CORO2B: variants seen among roughly 807,000 people sequenced by gnomAD.
The protein encoded by CORO2B is coronin 2B.
Under a neutral mutation model 58.8 loss-of-function variants are expected in CORO2B, and 26 were observed. That is an observed-to-expected ratio of 0.44 (90% CI 0.32 to 0.61). CORO2B has a LOEUF of 0.61. Among genes scored for constraint, CORO2B ranks in the 20% least tolerant of loss-of-function variants. CORO2B has a pLI of 0.04. For missense variants in CORO2B, 460 were observed against 645.1 expected (o/e 0.71, Z 3.11); for synonymous variants, 242 against 253.8 (o/e 0.95, Z 0.44).
At chr15:68,533,331 A>C in the CORO2B span, among the ~76,000 whole-genome samples, 1 of 152,192 alleles carries the variant, frequency 6.6e-6, no homozygotes, top group Non-Finnish European at 1.5e-5. Context: ...CAGAAGTGGA[A>C]ATCTTGTGTG....
intron 1 of CORO2B, among the ~76,000 whole-genome samples, chr15:68,639,025 G>A (rs1901122975): frequency 6.6e-6 from 1 of 152,204 alleles, no homozygotes; most frequent in South Asian, 2.1e-4. Flanking sequence ...TGCGTGACCA[G>A]AAGAAAGAAC....
intron 1 of CORO2B, among the ~76,000 whole-genome samples, chr15:68,595,815 A>G (rs1899812034): frequency 6.6e-6 from 1 of 152,212 alleles, no homozygotes; most frequent in African/African-American, 2.4e-5. Context: ...ACAAATACGG[A>G]TGAAGCCATT....
intron 3 of CORO2B, among the ~76,000 whole-genome samples, chr15:68,698,982 C>T (rs1221665615): frequency 6.6e-6 from 1 of 152,042 alleles, no homozygotes; most frequent in Non-Finnish European, 1.5e-5. Flanking sequence ...GACCAAGGTG[C>T]AGAGAGGAGA....
intron 1 of CORO2B, among the ~76,000 whole-genome samples, chr15:68,622,081 T>G (rs577345815): frequency 6.6e-6 from 1 of 152,206 alleles, no homozygotes; most frequent in South Asian, 2.1e-4. Context: ...ACCTTCTGAG[T>G]CTTGGTTTTC....
At chr15:68,528,665 T>C in the CORO2B span, among the ~76,000 whole-genome samples, 4 of 151,712 alleles carry the variant, frequency 2.6e-5, no homozygotes, top group Non-Finnish European at 5.9e-5. Context: ...AGTTGGAATA[T>C]GTTCCCTCCT....
chr15:68,640,274 G>A (rs530289383), intron 1 of CORO2B, among the ~76,000 whole-genome samples: 1 of 152,300 alleles, frequency 6.6e-6, no homozygotes, highest in East Asian at 1.9e-4. Flanking sequence ...CCAGGTGTGT[G>A]CTCACACATT....
At chr15:68,596,196 A>G (rs1291772426) in intron 1 of CORO2B, among the ~76,000 whole-genome samples, 2 of 152,142 alleles carry the variant, frequency 1.3e-5, no homozygotes, top group Admixed American at 6.5e-5. Flanking sequence ...TTAAGCATGC[A>G]CTGTGCCCGT....
intron 2 of CORO2B, among the ~76,000 whole-genome samples, chr15:68,675,999 T>C (rs1474933105): frequency 1.3e-5 from 2 of 152,096 alleles, no homozygotes; most frequent in African/African-American, 2.4e-5. Flanking sequence ...AATAGAATAA[T>C]GCTAGGAGGA....
At chr15:68,698,768 A>C (rs1346692443) in intron 3 of CORO2B, among the ~76,000 whole-genome samples, 2 of 152,158 alleles carry the variant, frequency 1.3e-5, no homozygotes, top group Non-Finnish European at 2.9e-5. Context: ...GATGAGGATG[A>C]AGGTTAGCCT....
At chr15:68,605,988 T>C (rs139986880) in intron 1 of CORO2B, among the ~76,000 whole-genome samples, 2,291 of 151,916 alleles carry the variant, frequency 0.015, 58 homozygotes, top group African/African-American at 0.053. Context: ...CCTCCCAAAG[T>C]GCTGGGATTA....
chr15:68,616,478 G>A (rs915052397), intron 1 of CORO2B: 41 of 933,716 alleles, frequency 4.4e-5, no homozygotes, highest in Admixed American at 4.3e-4. Flanking sequence ...CTTGCTGCCC[G>A]GCCTGCTGGC....
Position 68,645,175 on chromosome 15 carries a change from C to A in CORO2B, c.31C>A (p.Gln11Lys). ...CCCCTCACAGATGTCCTGGCGTCCG[C>A]AATACCGTAGCTCCAAGTTCCGGAA... is the stretch of plus-strand genomic sequence containing the variant. Reference protein sequence around the residue: MTVTKMSWRPQYRSSKFRNVY... With the variant: MTVTKMSWRPKYRSSKFRNVY... The change falls in exon 2 of 12, where the codon CAA becomes AAA. Residue 11 changes from glutamine (Q) to lysine (K), a missense_variant. Transcript: ENST00000261861. The surrounding 1 kb of genome is among the most constrained non-coding windows in gnomAD (Gnocchi z 4.5). 2 of 1,614,136 alleles carry A rather than the reference C, an allele frequency of 1.2e-6. No homozygotes were observed. Among genetic ancestry groups the A allele is most frequent in the East Asian group, 2.2e-5 (1 of 44,874 alleles).
chr15:68,708,512 C>T (rs1892836626), intron 3 of CORO2B, among the ~76,000 whole-genome samples: 1 of 151,822 alleles, frequency 6.6e-6, no homozygotes, highest in Non-Finnish European at 1.5e-5. Context: ...AGGTGCCTGC[C>T]ACTACGCCTG....
At chr15:68,571,873 G>T in the CORO2B span, among the ~76,000 whole-genome samples, 1 of 152,354 alleles carries the variant, frequency 6.6e-6, no homozygotes. Context: ...TAGCCCCAAG[G>T]AGGTGGTAAG....
At chr15:68,557,729 C>T in the CORO2B span, among the ~76,000 whole-genome samples, 1 of 152,242 alleles carries the variant, frequency 6.6e-6, no homozygotes, top group Admixed American at 6.5e-5. Flanking sequence ...TGCCCAAGGT[C>T]ACAGAGCTGC....
intron 2 of CORO2B, among the ~76,000 whole-genome samples, chr15:68,649,203 C>CTA (rs1285304077): frequency 6.6e-6 from 1 of 152,044 alleles, no homozygotes; most frequent in African/African-American, 2.4e-5. Context: ...TAGAAATATG[C>CTA]TATATATATA....
intron 2 of CORO2B, among the ~76,000 whole-genome samples, chr15:68,684,438 C>A (rs1016846505): frequency 2.0e-5 from 3 of 152,210 alleles, no homozygotes; most frequent in Non-Finnish European, 4.4e-5. Flanking sequence ...AAGAACACAG[C>A]CAGAGGCCAG....
At chr15:68,682,752 G>A (rs8042290) in intron 2 of CORO2B, among the ~76,000 whole-genome samples, 93,901 of 152,078 alleles carry the variant, frequency 0.62, 30,972 homozygotes, top group East Asian at 0.86. Context: ...CAGCCAGTGT[G>A]CAGCAGAGCT....
chr15:68,704,039 T>TACACATACACACACACACAC (rs1892723623), intron 3 of CORO2B, among the ~76,000 whole-genome samples: 1 of 128,036 alleles, frequency 7.8e-6, no homozygotes, highest in Non-Finnish European at 1.7e-5. Context: ...TACACACACA[T>TACACATACACACACACACAC]ACACACACAC....
Sources: allele counts gnomAD v4.1 joint callset (sites outside exome capture counted in the v4.1 genomes callset), GRCh38; gene constraint gnomAD v4.1.1; non-coding constraint Gnocchi (gnomAD v3.1); transcripts MANE v1.5; gene names NCBI Gene and HGNC (gene_info 2026-07-23, HGNC 2026-07-21).